Variants in DEK observed in about 807,000 individuals in gnomAD.
DEK encodes DEK proto-oncogene, also known as protein DEK.
A neutral mutation model predicts 46.8 loss-of-function variants in DEK; 28 were observed. The ratio of observed to expected loss-of-function variants is 0.60; its 90% CI spans 0.44 to 0.82. DEK has a LOEUF of 0.82. Among genes scored for constraint, DEK ranks in the 40% least tolerant of loss-of-function variants. The probability of loss-of-function intolerance (pLI) is 0.00; values close to 1 mark genes in which losing one functional copy is unlikely to be tolerated. For synonymous variants in DEK, 160 were observed against 144.5 expected (o/e 1.11, Z -0.77); for missense variants, 416 against 430.6 (o/e 0.97, Z 0.30).
chr6:18,257,930 T>G, intron 4 of DEK, 23 bp downstream of exon 4: 4 of 1,526,246 alleles, frequency 2.6e-6, no homozygotes, highest in Non-Finnish European at 2.7e-6. Flanking sequence ...TACAAGTAGG[T>G]TTAAAGTGTA....
chr6:18,263,876 C>G lies in DEK; in HGVS notation c.112G>C (p.Glu38Gln), dbSNP rs1049373349. 1.2e-6 allele frequency: 2 copies of G among 1,612,922 alleles called. No homozygotes were observed. The highest frequency in any genetic ancestry group is 1.7e-5 in the Admixed American group (1 of 59,840). The change falls in exon 2 of 11, where the codon GAG (glutamate) becomes CAG (glutamine). Residue 38 changes from glutamate (E) to glutamine (Q), a missense_variant. Transcript: ENST00000652689. ...PREESEEEED[E>Q]DDEEEEEEEK... ...TCCTCCTCCTCCTCCTCGTCGTCCT[C>G]GTCCTCTTCCTCCTCGCTCTCCTCT...
intron 6 of DEK, 52 bp downstream of exon 6, chr6:18,255,679 T>G: frequency 6.4e-7 from 1 of 1,559,610 alleles, no homozygotes. Context: ...TTGTTTCATA[T>G]AAAGAGGCTA....
intron 2 of DEK, 127 bp downstream of exon 2, chr6:18,263,716 C>T: frequency 6.3e-7 from 1 of 1,584,304 alleles, no homozygotes; most frequent in Admixed American, 1.9e-5. Context: ...TGCACACATT[C>T]TCGCTGAAAA....
chr6:18,259,677 G>A (rs372933210), intron 2 of DEK, among the ~76,000 whole-genome samples: 4 of 151,888 alleles, frequency 2.6e-5, no homozygotes, highest in Non-Finnish European at 4.4e-5. Flanking sequence ...ATAAATATAC[G>A]CCAATATAAA....
chr6:18,227,379 G>A (rs1443383297), intron 9 of DEK, among the ~76,000 whole-genome samples: 1 of 152,194 alleles, frequency 6.6e-6, no homozygotes. Flanking sequence ...ATGTTTATGT[G>A]TATGCATATC....
chr6:18,244,180 AAAG>A (rs768274440), intron 7 of DEK, among the ~76,000 whole-genome samples: 18 of 152,338 alleles, frequency 1.2e-4, no homozygotes, highest in Non-Finnish European at 2.1e-4. Flanking sequence ...TTTTTTAAAA[AAAG>A]AATAAAGAAA....
chr6:18,227,201 G>A (rs543017074), intron 9 of DEK, among the ~76,000 whole-genome samples: 2 of 152,196 alleles, frequency 1.3e-5, no homozygotes, highest in South Asian at 2.1e-4. Flanking sequence ...AGGAAGGAAC[G>A]CCTCTTTGCA....
intron 10 of DEK, chr6:18,225,948 T>C: frequency 1.5e-6 from 1 of 686,398 alleles, no homozygotes; most frequent in Non-Finnish European, 2.4e-6. Flanking sequence ...AGGTACACCA[T>C]GAGGCCACAT....
At chr6:18,234,279 G>GATATAT (rs34234830) in intron 9 of DEK, among the ~76,000 whole-genome samples, 49 of 144,802 alleles carry the variant, frequency 3.4e-4, no homozygotes, top group African/African-American at 4.3e-4. Flanking sequence ...ATGGCACATG[G>GATATAT]ATATATATAT....
intron 7 of DEK, chr6:18,244,605 T>C: frequency 1.6e-6 from 2 of 1,278,518 alleles, no homozygotes; most frequent in Non-Finnish European, 1.0e-6. Context: ...AAGGTTGTAC[T>C]GGGTGAACAG....
In DEK at chr6:18,263,956, T is replaced by G. The variant is rs550668487; in HGVS notation, c.32A>C (p.Glu11Ala). The G allele has an allele frequency of 6.2e-7, 1 of 1,610,202 alleles. No individual in the cohort carries two copies. Among genetic ancestry groups the G allele is most frequent in the Non-Finnish European group, 8.5e-7 (1 of 1,178,366 alleles). Residue 11 changes from glutamate (E) to alanine (A), a missense_variant, in exon 2 of 11, where the codon GAG becomes GCG. Physicochemically the swap from Glu to Ala is moderately radical, Grantham distance 107. Transcript: ENST00000652689. MSASAPAAEGEGTPTQPASEK... is the reference protein window; with the variant it reads MSASAPAAEGAGTPTQPASEK... ...GGACGCGGGCTGGGTGGGGGTTCCC[T>G]CCCCCTCCGCAGCAGGGGCCGAGGC... is the stretch of plus-strand genomic sequence containing the variant.
chr6:18,261,446 C>T (rs1240408039), intron 2 of DEK, among the ~76,000 whole-genome samples: 1 of 152,152 alleles, frequency 6.6e-6, no homozygotes, highest in Non-Finnish European at 1.5e-5. Context: ...GTGGCATATG[C>T]CTGTAATCCC....
chr6:18,227,119 A>G (rs1484240377), intron 9 of DEK, among the ~76,000 whole-genome samples: 2 of 152,094 alleles, frequency 1.3e-5, no homozygotes, highest in Non-Finnish European at 2.9e-5. Flanking sequence ...TGGCCTCGTG[A>G]GAAGGGAAAG....
At position 18,249,832 on chromosome 6, in the gene DEK, G is replaced by A. The variant is rs774631500; in HGVS notation, c.581C>T (p.Pro194Leu). The change falls in exon 7 of 11, where the codon CCG becomes CTG. Residue 194 changes from proline to leucine, a missense_variant. By Grantham distance (98) the Pro-to-Leu change is moderately conservative. Transcript: ENST00000652689. ...TTTGCTACAAGTTTTTTTAGATTTCGGCAATGGCTGCATAAAAATTTATAA... is the reference window on the plus strand; with the variant it reads ...TTTGCTACAAGTTTTTTTAGATTTCAGCAATGGCTGCATAAAAATTTATAA... ...MHPKPSGKPL[P>L]KSKKTCSKGS... 76 of 1,588,452 alleles carry A rather than the reference G, an allele frequency of 4.8e-5. No individual in the cohort carries two copies. Among genetic ancestry groups the A allele is most frequent in the South Asian group, 1.0e-4 (9 of 85,786 alleles).
In DEK at chr6:18,263,919, G is replaced by A. The variant is rs199740585; in HGVS notation, c.69C>T (p.Pro23=). 72 of 1,612,160 alleles carry A rather than the reference G, an allele frequency of 4.5e-5. No homozygotes were observed. The African/African-American group carries it at 9.1e-4, about 20-fold the overall frequency. ...TCTCCTCTCTGGGACCGGGCATTTC[G>A]GGTTCTTTCTCGGACGCGGGCTGGG... ...TPTQPASEKE[P]EMPGPREESE... Residue 23 remains proline, a synonymous_variant, in exon 2 of 11, where the codon CCC becomes CCT. Transcript: ENST00000652689.
At position 18,224,458 on chromosome 6, in the gene DEK, AT is replaced by A. The variant is rs1160691994; in HGVS notation, c.*1260del. On this transcript the variant is annotated 3_prime_UTR_variant, in exon 11 of 11. Transcript: ENST00000652689. Reference sequence around the variant, plus strand: ...ATAAACAGCATGTTTTAAAATTCAGATTTAATAAACTGATTTAAGACAGTAA... The same window carrying A: ...ATAAACAGCATGTTTTAAAATTCAGATTAATAAACTGATTTAAGACAGTAA... The A allele has an allele frequency of 8.1e-5, 16 of 196,556 alleles. No individual in the cohort carries two copies. Among genetic ancestry groups the A allele is most frequent in the Admixed American group, 1.8e-4 (3 of 16,476 alleles). The allele number at this position is 196,556 out of a possible 1,614,324, so 12.2% of individuals were successfully genotyped here. A position where few individuals can be genotyped will look rare whatever the true frequency, so the allele number is the denominator to read the frequency against.
chr6:18,237,413 G>C lies in DEK; in HGVS notation c.866C>G (p.Thr289Ser), dbSNP rs1211447868. The change falls in exon 8 of 11, where the codon ACC becomes AGC. Residue 289 changes from threonine to serine, a missense_variant. Transcript: ENST00000652689. ...GGAACTGTTTTGATTCTTCTTGGTGGTGCTGCTATCTGCTTTCTTAACATT... is the reference window on the plus strand; with the variant it reads ...GGAACTGTTTTGATTCTTCTTGGTGCTGCTGCTATCTGCTTTCTTAACATT... ...SANVKKADSS[T>S]TKKNQNSSKK... The C allele has an allele frequency of 1.9e-5, 31 of 1,606,806 alleles. No homozygotes were observed. Among genetic ancestry groups the C allele is most frequent in the Non-Finnish European group, 2.4e-5 (28 of 1,178,540 alleles).
rs142284086 is a variant in DEK, at chr6:18,250,034, A to G, written c.574-195T>C. ...GTGTTACTAATACCATTTGTGTTCT[A>G]AACACCTAGCAAGACCCTTCTCAAT... On this transcript the variant is annotated intron_variant, in intron 6 of 10. Transcript: ENST00000652689. Among the ~76,000 whole-genome samples the G allele has an allele frequency of 2.6e-3, 402 of 152,322 alleles. 3 individuals carry two copies. Among genetic ancestry groups the G allele is most frequent in the African/African-American group, 8.5e-3 (354 of 41,568 alleles).
At chr6:18,245,766 G>T (rs1398989082) in intron 7 of DEK, among the ~76,000 whole-genome samples, 1 of 152,206 alleles carries the variant, frequency 6.6e-6, no homozygotes, top group Non-Finnish European at 1.5e-5. Flanking sequence ...AACCTCAACG[G>T]CTCATTGATA....
Sources: allele counts gnomAD v4.1 joint callset (sites outside exome capture counted in the v4.1 genomes callset), GRCh38; gene constraint gnomAD v4.1.1; transcripts MANE v1.5; gene names NCBI Gene and HGNC (gene_info 2026-07-23, HGNC 2026-07-21).